CCNH: variants seen among roughly 807,000 people sequenced by gnomAD.
CCNH encodes the protein cyclin-H.
Under a neutral mutation model 41.9 loss-of-function variants are expected in CCNH, and 31 were observed. The ratio of observed to expected loss-of-function variants is 0.74; its 90% CI spans 0.56 to 1.00. The LOEUF (loss-of-function observed/expected upper bound fraction) is 1.00. CCNH is among the 50% of genes least tolerant of loss of function. The probability of loss-of-function intolerance (pLI) is 0.00; values close to 1 mark genes in which losing one functional copy is unlikely to be tolerated. For missense variants in CCNH, 362 were observed against 388.4 expected (o/e 0.93, Z 0.57); for synonymous variants, 138 against 136.1 (o/e 1.01, Z -0.10).
chr5:87,362,008 T>G (rs1352690917), intron 9 of CCNH, among the ~76,000 whole-genome samples: 1 of 152,062 alleles, frequency 6.6e-6, no homozygotes, highest in African/African-American at 2.4e-5. Context: ...ACACCAGCTG[T>G]GGATGGATGG....
At chr5:87,353,459 C>T (rs1408211112) in intron 9 of CCNH, among the ~76,000 whole-genome samples, 4 of 151,688 alleles carry the variant, frequency 2.6e-5, no homozygotes, top group East Asian at 3.9e-4. Context: ...TAGAAGCAGT[C>T]GTGGAGGAAG....
chr5:87,399,584 T>G, intron 6 of CCNH, 79 bp from the exon 7 acceptor site: 1 of 882,802 alleles, frequency 1.1e-6, no homozygotes, highest in Non-Finnish European at 1.9e-6. Flanking sequence ...TACTTTTCCA[T>G]TTTGTCATAG....
At chr5:87,365,843 G>A (rs1760476549) in intron 9 of CCNH, among the ~76,000 whole-genome samples, 1 of 151,948 alleles carries the variant, frequency 6.6e-6, no homozygotes, top group Non-Finnish European at 1.5e-5. Flanking sequence ...GAGGCTTCAC[G>A]ATAGGAACAT....
intron 9 of CCNH, among the ~76,000 whole-genome samples, chr5:87,347,531 A>G (rs954260945): frequency 6.6e-6 from 1 of 152,000 alleles, no homozygotes; most frequent in African/African-American, 2.4e-5. Context: ...TGACTATTCA[A>G]TAGTTTCTAT....
At chr5:87,343,217 G>T (rs1758607900) in intron 9 of CCNH, among the ~76,000 whole-genome samples, 2 of 152,062 alleles carry the variant, frequency 1.3e-5, no homozygotes, top group Admixed American at 1.3e-4. Flanking sequence ...TACATGATAT[G>T]GGCACCAAGT....
At chr5:87,345,389 G>C (rs1337740164) in intron 9 of CCNH, among the ~76,000 whole-genome samples, 2 of 151,970 alleles carry the variant, frequency 1.3e-5, no homozygotes, top group African/African-American at 4.8e-5. Context: ...TAGAAGTAGA[G>C]GATTAGCCTT....
intron 9 of CCNH, among the ~76,000 whole-genome samples, chr5:87,321,037 T>A (rs1050428518): frequency 1.2e-4 from 18 of 152,304 alleles, no homozygotes; most frequent in Admixed American, 7.2e-4. Flanking sequence ...AGCCTGTGGT[T>A]TAGGAAGAAA....
chr5:87,412,487 G>A, intron 1 of CCNH, 191 bp downstream of exon 1: 4 of 1,420,996 alleles, frequency 2.8e-6, no homozygotes, highest in South Asian at 1.5e-5. Flanking sequence ...ATTCGACGAC[G>A]GGGATGGCGT....
chr5:87,354,259 T>C (rs1005332211), intron 9 of CCNH, among the ~76,000 whole-genome samples: 3 of 152,156 alleles, frequency 2.0e-5, no homozygotes, highest in African/African-American at 7.2e-5. Flanking sequence ...CTTATTATGT[T>C]TCAAAGATAG....
intron 4 of CCNH, 120 bp from the exon 5 acceptor site, chr5:87,405,127 G>C: frequency 1.5e-6 from 1 of 685,322 alleles, no homozygotes; most frequent in Non-Finnish European, 2.5e-6. Context: ...AAAGTTCCTA[G>C]CACAGTAATT....
intron 7 of CCNH, among the ~76,000 whole-genome samples, chr5:87,395,693 G>A (rs981911083): frequency 3.6e-4 from 55 of 152,100 alleles, no homozygotes; most frequent in Non-Finnish European, 1.9e-4. Context: ...GCAATGTGGC[G>A]AAACCTCGTC....
chr5:87,324,863 G>GA (rs945682397), intron 9 of CCNH, among the ~76,000 whole-genome samples: 6 of 151,292 alleles, frequency 4.0e-5, no homozygotes, highest in Admixed American at 6.6e-5. Context: ...ATAGTGATTT[G>GA]AAAAAAAAGG....
chr5:87,319,290 G>A (rs1339407744), intron 9 of CCNH, among the ~76,000 whole-genome samples: 1 of 152,206 alleles, frequency 6.6e-6, no homozygotes, highest in Admixed American at 6.5e-5. Flanking sequence ...GCTCCATTAG[G>A]CAGTGCCCTA....
chr5:87,392,948 G>C (rs1762624414), downstream of CCNH: 1 of 152,048 alleles, frequency 6.6e-6, no homozygotes, highest in Non-Finnish European at 1.5e-5. Context: ...TTGTAATTCT[G>C]TCTAGAGCCT....
downstream of CCNH, chr5:87,392,238 T>C: frequency 4.4e-6 from 2 of 456,488 alleles, no homozygotes; most frequent in Non-Finnish European, 4.4e-6. Context: ...AGCAACACTT[T>C]ATGCTATTCC....
rs1314154367 is a variant in CCNH at position 87,395,101 on chromosome 5, C to T, written c.876G>A (p.Lys292=). The T allele has an allele frequency of 2.5e-6, 4 of 1,610,212 alleles. No individual in the cohort carries two copies. The highest frequency in any genetic ancestry group is 3.4e-6 in the Non-Finnish European group (4 of 1,177,810). The change falls in exon 8 of 9, where the codon AAG becomes AAA. Residue 292 remains lysine, a synonymous_variant. Transcript: ENST00000256897. ...CATCATCTTCATAGCCTTTCCTCTT[C>T]TTCCTATAATTAAGCAACTATCAAT... ...SAELALNVIT[K]KRKGYEDDDY...
intron 9 of CCNH, among the ~76,000 whole-genome samples, chr5:87,323,881 G>C (rs1294835406): frequency 6.6e-6 from 1 of 152,088 alleles, no homozygotes; most frequent in East Asian, 1.9e-4. Flanking sequence ...ACTGAGACAG[G>C]TATTTTTTTG....
chr5:87,336,686 C>T (rs1161176614), intron 9 of CCNH, among the ~76,000 whole-genome samples: 1 of 152,032 alleles, frequency 6.6e-6, no homozygotes, highest in East Asian at 1.9e-4. Flanking sequence ...CTTATGGCTA[C>T]TTTTAACTAA....
chr5:87,381,963 T>C (rs1406339850), upstream of CCNH, among the ~76,000 whole-genome samples: 1 of 152,178 alleles, frequency 6.6e-6, no homozygotes, highest in Admixed American at 6.5e-5. Flanking sequence ...TTAATTGTTA[T>C]TTTTTTGAGA....
Sources: allele counts gnomAD v4.1 joint callset (sites outside exome capture counted in the v4.1 genomes callset), GRCh38; gene constraint gnomAD v4.1.1; transcripts MANE v1.5; gene names NCBI Gene and HGNC (gene_info 2026-07-23, HGNC 2026-07-21).